Variants in NUAK2 observed in about 807,000 individuals in gnomAD.
The protein encoded by NUAK2 is NUAK family SNF1-like kinase 2.
In NUAK2, 20 loss-of-function variants were observed where a neutral mutation model predicts 29.8. The ratio of observed to expected loss-of-function variants is 0.67; its 90% CI spans 0.47 to 0.98. NUAK2 has a LOEUF of 0.98. Ranked by LOEUF, NUAK2 falls within the 50% of genes least tolerant of loss-of-function variation. The probability of loss-of-function intolerance (pLI) is 0.00; values close to 1 mark genes in which losing one functional copy is unlikely to be tolerated. For missense variants in NUAK2, 719 were observed against 834.5 expected (o/e 0.86, Z 1.71); for synonymous variants, 331 against 342.6 (o/e 0.97, Z 0.37).
rs150379055 is a variant in NUAK2, at chr1:205,303,922, A to G, written c.1415T>C (p.Leu472Ser). The G allele has an allele frequency of 2.9e-5, 47 of 1,614,028 alleles. No homozygotes were observed. The African/African-American group carries it at 5.5e-4, about 19-fold the overall frequency. Residue 472 changes from leucine (L) to serine (S), a missense_variant, in exon 7 of 7, where the codon TTG becomes TCG. Physicochemically the swap from Leu to Ser is moderately radical, Grantham distance 145. This residue lies in a region of NUAK2 where 430 missense variants were observed against 465.7 expected (regional missense o/e 0.92). Coordinates refer to ENST00000367157, the MANE Select transcript of NUAK2 (RefSeq NM_030952.3). The part of the protein sequence containing the change: ...SPEPSESGEL[L>S]DAGDVFVSGD... ...ACTCACAAACACGTCGCCTGCGTCC[A>G]AGAGCTCCCCAGATTCACTGGGCTC...
At chr1:205,314,643 C>A (rs921449926) in intron 1 of NUAK2, among the ~76,000 whole-genome samples, 1 of 152,088 alleles carries the variant, frequency 6.6e-6, no homozygotes, top group East Asian at 1.9e-4. Flanking sequence ...CTCTAAAATT[C>A]TTTGTTTAAA....
At chr1:205,319,377 G>A (rs755394397) in intron 1 of NUAK2, among the ~76,000 whole-genome samples, 49 of 152,296 alleles carry the variant, frequency 3.2e-4, no homozygotes, top group Non-Finnish European at 5.1e-4. Context: ...CTGAAAGCTA[G>A]TTTATCTCAT....
At position 205,302,936 on chromosome 1, in the gene NUAK2, G is replaced by A. The variant is rs543171792; in HGVS notation, c.*514C>T. 3 of 152,286 alleles carry A rather than the reference G, an allele frequency of 2.0e-5. No individual in the cohort carries two copies. The highest frequency in any genetic ancestry group is 7.2e-5 in the African/African-American group (3 of 41,468). 9.4% of individuals were successfully genotyped at this position (152,286 alleles called of 1,614,324 possible). A position where few individuals can be genotyped will look rare whatever the true frequency, so the allele number is the denominator to read the frequency against. ...TAAAAATAAAAATAAAAATAACGAA[G>A]CGTTACTCCAGACCATTCCCAGGAT... On this transcript the variant is annotated 3_prime_UTR_variant, in exon 7 of 7. Coordinates refer to ENST00000367157, the MANE Select transcript of NUAK2 (RefSeq NM_030952.3).
chr1:205,314,412 TC>T (rs1410039117), intron 1 of NUAK2, among the ~76,000 whole-genome samples: 1 of 152,194 alleles, frequency 6.6e-6, no homozygotes, highest in East Asian at 1.9e-4. Flanking sequence ...CATCCATCTC[TC>T]CCTAGTGAGC....
intron 1 of NUAK2, among the ~76,000 whole-genome samples, chr1:205,313,298 C>A (rs932317277): frequency 6.6e-5 from 10 of 150,944 alleles, no homozygotes; most frequent in African/African-American, 2.4e-4. Context: ...AGATGAGAAA[C>A]CTTCCTCCCC....
At chr1:205,309,732 G>A (rs868529665) in intron 2 of NUAK2, among the ~76,000 whole-genome samples, 1 of 152,170 alleles carries the variant, frequency 6.6e-6, no homozygotes, top group Admixed American at 6.5e-5. Context: ...TATTAAAGTG[G>A]ATCATGAACT....
intron 1 of NUAK2, among the ~76,000 whole-genome samples, chr1:205,314,252 C>T (rs940554942): frequency 1.3e-5 from 2 of 152,210 alleles, no homozygotes; most frequent in African/African-American, 2.4e-5. Context: ...AGAGGGGAGG[C>T]CCTGCTCTCG....
intron 1 of NUAK2, among the ~76,000 whole-genome samples, chr1:205,319,013 G>T (rs1662367234): frequency 6.7e-6 from 1 of 150,296 alleles, no homozygotes; most frequent in Admixed American, 6.6e-5. Flanking sequence ...TCTAGGGGAG[G>T]TCTTGGGCAA....
Position 205,308,991 on chromosome 1 carries a change from T to A in NUAK2, c.353-259A>T, listed in dbSNP as rs1161839828. On this transcript the variant is annotated intron_variant, in intron 2 of 6. Transcript: ENST00000367157. This position sits in a 1 kb window ranked among gnomAD's most constrained non-coding sequence, Gnocchi z 4.1. ...CCGTGGAAGTTCAGGCTTTTGGGAA[T>A]TCTGAAAATGACCCTGCCCTTTCAG... 6.6e-6 allele frequency among the ~76,000 whole-genome samples: 1 copy of A among 151,926 alleles called. No homozygotes were observed. Among genetic ancestry groups the A allele is most frequent in the African/African-American group, 2.4e-5 (1 of 41,348 alleles).
At chr1:205,309,175 G>A (rs1662222519) in intron 2 of NUAK2, among the ~76,000 whole-genome samples, 1 of 152,112 alleles carries the variant, frequency 6.6e-6, no homozygotes, top group South Asian at 2.1e-4. Flanking sequence ...AAACCACTGT[G>A]CCTCAGTTTC....
Position 205,304,231 on chromosome 1 carries a change from T to G in NUAK2, c.1106A>C (p.Glu369Ala). 1 of 1,614,102 alleles carries G rather than the reference T, an allele frequency of 6.2e-7. No individual in the cohort carries two copies. Among genetic ancestry groups the G allele is most frequent in the Non-Finnish European group, 8.5e-7 (1 of 1,180,014 alleles). The change falls in exon 7 of 7, where the codon GAG becomes GCG. Residue 369 changes from glutamate to alanine, a missense_variant. By Grantham distance (107) the Glu-to-Ala change is moderately radical. Around this residue, in one of 3 missense-constraint regions of NUAK2, gnomAD observed 430 missense variants for 465.7 expected, o/e 0.92. Transcript: ENST00000367157. The surrounding 1 kb of genome is among the most constrained non-coding windows in gnomAD (Gnocchi z 6.5). The part of the protein sequence containing the change: ...PGGGSTTPGL[E>A]RQHSLKKSRK... ...GGACTTCTTGAGCGAATGCTGGCGC[T>G]CCAGGCCAGGGGTGGTGCTTCCCCC... is the stretch of plus-strand genomic sequence containing the variant.
chr1:205,306,087 C>T, intron 5 of NUAK2, 101 bp downstream of exon 5: 1 of 1,460,702 alleles, frequency 6.8e-7, no homozygotes, highest in Non-Finnish European at 9.2e-7. Flanking sequence ...GAGTTGTGCT[C>T]TGAAAATGTG....
At position 205,304,855 on chromosome 1, in the gene NUAK2, C is replaced by T. The variant is rs1662157037; in HGVS notation, c.824-342G>A. ...TGTTCAGGGTAAACTGGGTCTCTCACACCCTTCTTCCTGCCTTCTGAGTCA... is the reference window on the plus strand; with the variant it reads ...TGTTCAGGGTAAACTGGGTCTCTCATACCCTTCTTCCTGCCTTCTGAGTCA... On this transcript the variant is annotated intron_variant, in intron 6 of 6. Transcript: ENST00000367157. The surrounding 1 kb of genome is among the most constrained non-coding windows in gnomAD (Gnocchi z 6.5). Among the ~76,000 whole-genome samples the T allele has an allele frequency of 6.6e-6, 1 of 152,210 alleles. No individual in the cohort carries two copies. The highest frequency in any genetic ancestry group is 1.5e-5 in the Non-Finnish European group (1 of 68,040).
In NUAK2 at chr1:205,321,738, G is replaced by T; in HGVS notation, c.-110C>A. ...AGGACGGGGAGCCACAGCAGTACCAGAGCGCGCAGTAAAGCACAGCATTCC... is the reference window on the plus strand; with the variant it reads ...AGGACGGGGAGCCACAGCAGTACCATAGCGCGCAGTAAAGCACAGCATTCC... On this transcript the variant is annotated 5_prime_UTR_variant, in exon 1 of 7. In the 5' UTR this introduces an upstream ATG that the reference lacks. Transcript: ENST00000367157. 2 of 853,960 alleles carry T rather than the reference G, an allele frequency of 2.3e-6. No individual in the cohort carries two copies. Among genetic ancestry groups the T allele is most frequent in the Non-Finnish European group, 3.6e-6 (2 of 550,598 alleles). 52.9% of individuals were successfully genotyped at this position (853,960 alleles called of 1,614,324 possible).
Position 205,311,839 on chromosome 1 carries a change from G to A in NUAK2, c.232-14C>T. On this transcript the variant is annotated splice_polypyrimidine_tract_variant and intron_variant, in intron 1 of 6. Transcript: ENST00000367157. Reference sequence around the variant, plus strand: ...CTTGATGGCCACCTGGGAAGAGAAGGCATGAGAGTGAGGAGAAAGGTTTGG... The same window carrying A: ...CTTGATGGCCACCTGGGAAGAGAAGACATGAGAGTGAGGAGAAAGGTTTGG... The A allele has an allele frequency of 1.2e-6, 2 of 1,613,256 alleles. No homozygotes were observed. Among genetic ancestry groups the A allele is most frequent in the Non-Finnish European group, 1.7e-6 (2 of 1,179,848 alleles).
At chr1:205,317,065 G>A (rs1416471513) in intron 1 of NUAK2, among the ~76,000 whole-genome samples, 1 of 152,128 alleles carries the variant, frequency 6.6e-6, no homozygotes, top group African/African-American at 2.4e-5. Context: ...CCCTAGGCCA[G>A]GCTGTGTAGT....
chr1:205,314,493 G>C (rs1336985943), intron 1 of NUAK2, among the ~76,000 whole-genome samples: 1 of 152,338 alleles, frequency 6.6e-6, no homozygotes, highest in East Asian at 1.9e-4. Context: ...GGTAGATGTA[G>C]AGAGGGCCTG....
chr1:205,311,868 A>G, intron 1 of NUAK2, 43 bp from the exon 2 acceptor site: 1 of 1,610,380 alleles, frequency 6.2e-7, no homozygotes, highest in South Asian at 1.1e-5. Context: ...GGTTTGGCAG[A>G]GGACACTCTG....
chr1:205,319,626 C>A (rs932505571), intron 1 of NUAK2, among the ~76,000 whole-genome samples: 1 of 152,294 alleles, frequency 6.6e-6, no homozygotes, highest in African/African-American at 2.4e-5. Context: ...GTCCAACAGC[C>A]TCAAGCCTGG....
Sources: allele counts gnomAD v4.1 joint callset (sites outside exome capture counted in the v4.1 genomes callset), GRCh38; gene constraint gnomAD v4.1.1; regional missense constraint gnomAD v4.1.1; non-coding constraint Gnocchi (gnomAD v3.1); transcripts MANE v1.5; gene names NCBI Gene and HGNC (gene_info 2026-07-23, HGNC 2026-07-21).